Variants in PCDH9 observed in about 807,000 individuals in gnomAD.
The protein encoded by PCDH9 is protocadherin 9.
PCDH9 carries 24 observed loss-of-function variants against 70.6 expected under a neutral mutation model. The observed-to-expected ratio is 0.34, with a 90% CI of 0.25 to 0.48. The LOEUF is 0.48. Ranked by LOEUF, PCDH9 falls within the 20% of genes least tolerant of loss-of-function variation. The pLI, the probability that PCDH9 is intolerant of heterozygous loss-of-function variation, is 0.99. For missense variants in PCDH9, 1,281 were observed against 1,503.6 expected (o/e 0.85, Z 2.45); for synonymous variants, 562 against 558.5 (o/e 1.01, Z -0.09).
chr13:66,421,281 G>A (rs369963871), intron 4 of PCDH9, among the ~76,000 whole-genome samples: 6 of 152,070 alleles, frequency 3.9e-5, no homozygotes, highest in East Asian at 1.9e-4. Flanking sequence ...GAACTTCCCC[G>A]ACCTAGCAAG....
chr13:66,784,102 T>C (rs1356035028), intron 3 of PCDH9, among the ~76,000 whole-genome samples: 3 of 152,158 alleles, frequency 2.0e-5, no homozygotes, highest in Non-Finnish European at 2.9e-5. Context: ...CACAAATATG[T>C]TGAGGATGCT....
intron 2 of PCDH9, among the ~76,000 whole-genome samples, chr13:67,136,328 A>G (rs530142193): frequency 6.6e-6 from 1 of 152,246 alleles, no homozygotes; most frequent in East Asian, 1.9e-4. Context: ...CACAGCGACA[A>G]AATTGCCTAA....
intron 2 of PCDH9, among the ~76,000 whole-genome samples, chr13:67,109,491 T>A (rs1442089349): frequency 6.6e-6 from 1 of 152,226 alleles, no homozygotes; most frequent in Admixed American, 6.5e-5. Flanking sequence ...AATCCAAACA[T>A]CTTCCCTATT....
intron 4 of PCDH9, among the ~76,000 whole-genome samples, chr13:66,401,067 GTGCAATGGTATGATTATGTGGTA>G (rs1957176357): frequency 6.6e-6 from 1 of 152,182 alleles, no homozygotes; most frequent in Non-Finnish European, 1.5e-5. Flanking sequence ...TTTTGACCTG[GTGCAATGGTATGATTATGTGGTA>G]TGCAATAGTA....
intron 2 of PCDH9, among the ~76,000 whole-genome samples, chr13:66,955,226 A>C (rs982066001): frequency 6.6e-6 from 1 of 152,202 alleles, no homozygotes; most frequent in South Asian, 2.1e-4. Context: ...AATCAATATC[A>C]ATCAATCAAA....
In PCDH9 at chr13:66,402,274, A is replaced by G. The variant is rs551836756; in HGVS notation, c.3341-97246T>C. ...ACATCATTAACTTGCCATTAAACCA[A>G]TTCTGAAACTGAGTATTGGCAGAGT... On this transcript the variant is annotated intron_variant, in intron 4 of 4. Transcript: ENST00000377865. Among the ~76,000 whole-genome samples, 9 of 152,234 alleles carry G rather than the reference A, an allele frequency of 5.9e-5. No individual in the cohort carries two copies. In the East Asian group the frequency reaches 1.5e-3, roughly 26 times the overall value.
chr13:66,339,836 T>C (rs1220790052), intron 4 of PCDH9, among the ~76,000 whole-genome samples: 1 of 152,158 alleles, frequency 6.6e-6, no homozygotes, highest in Non-Finnish European at 1.5e-5. Context: ...CTAGTTCACT[T>C]CTTTGGTTTT....
chr13:67,074,093 G>A (rs1367546934), intron 2 of PCDH9, among the ~76,000 whole-genome samples: 10 of 149,852 alleles, frequency 6.7e-5, no homozygotes, highest in Admixed American at 6.7e-5. Flanking sequence ...CTATCTGTCT[G>A]TCTATTATCT....
intron 2 of PCDH9, among the ~76,000 whole-genome samples, chr13:67,194,447 C>T (rs1593600004): frequency 6.6e-6 from 1 of 151,814 alleles, no homozygotes; most frequent in East Asian, 1.9e-4. Context: ...CATTTCTGAC[C>T]ATCTCCTCAA....
At chr13:66,888,557 A>T (rs374362786) in intron 3 of PCDH9, among the ~76,000 whole-genome samples, 8 of 113,664 alleles carry the variant, frequency 7.0e-5, no homozygotes, top group Non-Finnish European at 1.6e-4. Flanking sequence ...AAAAATAAAT[A>T]AAAAAAAGAA....
chr13:66,782,508 G>C (rs1297914520), intron 3 of PCDH9, among the ~76,000 whole-genome samples: 1 of 151,882 alleles, frequency 6.6e-6, no homozygotes, highest in Non-Finnish European at 1.5e-5. Context: ...TGCTCTAAGT[G>C]TAAAATACAC....
intron 3 of PCDH9, among the ~76,000 whole-genome samples, chr13:66,865,634 TGGTGTA>T (rs1342154389): frequency 2.0e-5 from 3 of 152,204 alleles, no homozygotes. Context: ...ATCTTCCCTC[TGGTGTA>T]GGTATGCCTG....
chr13:66,539,094 T>C (rs1426039481), intron 4 of PCDH9, among the ~76,000 whole-genome samples: 1 of 152,120 alleles, frequency 6.6e-6, no homozygotes, highest in Non-Finnish European at 1.5e-5. Flanking sequence ...TATATTTATA[T>C]ATTGCAATAT....
chr13:66,763,668 GAGT>G (rs2079663651), intron 3 of PCDH9, among the ~76,000 whole-genome samples: 1 of 152,126 alleles, frequency 6.6e-6, no homozygotes, highest in South Asian at 2.1e-4. Context: ...GCTGACTACA[GAGT>G]AGAAGTCATG....
intron 4 of PCDH9, among the ~76,000 whole-genome samples, chr13:66,361,128 AC>A (rs1368072062): frequency 6.6e-6 from 1 of 152,076 alleles, no homozygotes; most frequent in African/African-American, 2.4e-5. Context: ...AGACAAAAGC[AC>A]CACTGGCATC....
chr13:66,457,183 T>A (rs1427350496), intron 4 of PCDH9, among the ~76,000 whole-genome samples: 3 of 152,066 alleles, frequency 2.0e-5, no homozygotes, highest in African/African-American at 7.2e-5. Context: ...ATTTTATGTC[T>A]TCTTAAACTT....
intron 4 of PCDH9, among the ~76,000 whole-genome samples, chr13:66,351,970 G>T (rs183693537): frequency 3.8e-4 from 57 of 151,960 alleles, no homozygotes; most frequent in African/African-American, 1.3e-3. Flanking sequence ...AAAGTAGCTG[G>T]GATTACAGGC....
chr13:66,641,663 T>C (rs1433208040), intron 3 of PCDH9, among the ~76,000 whole-genome samples: 1 of 152,136 alleles, frequency 6.6e-6, no homozygotes, highest in African/African-American at 2.4e-5. Context: ...AAAAGCATCC[T>C]TTGAATTTCA....
intron 4 of PCDH9, among the ~76,000 whole-genome samples, chr13:66,553,555 T>C (rs181397152): frequency 2.4e-3 from 364 of 152,262 alleles, no homozygotes; most frequent in African/African-American, 8.4e-3. Flanking sequence ...ATTGGAGAGT[T>C]GGTTATGATT....
Sources: gnomAD v4.1 joint callset for allele counts (sites outside exome capture counted in the v4.1 genomes callset) on GRCh38, gnomAD v4.1.1 for gene constraint, MANE v1.5 for transcripts, NCBI Gene and HGNC (gene_info 2026-07-23, HGNC 2026-07-21) for gene names.